DPYS: variants seen among roughly 807,000 people sequenced by gnomAD.
DPYS encodes dihydropyrimidine amidohydrolase.
DPYS carries 39 observed loss-of-function variants against 50.3 expected under a neutral mutation model. The ratio of observed to expected loss-of-function variants is 0.78; its 90% CI spans 0.60 to 1.01. The LOEUF is 1.01. DPYS is among the 50% of genes least tolerant of loss of function. The pLI, the probability that DPYS is intolerant of heterozygous loss-of-function variation, is 0.00. For missense variants in DPYS, 659 were observed against 680.9 expected (o/e 0.97, Z 0.36); for synonymous variants, 245 against 250.7 (o/e 0.98, Z 0.22).
intron 1 of DPYS, among the ~76,000 whole-genome samples, chr8:104,464,310 G>A (rs2140784883): frequency 6.6e-6 from 1 of 152,304 alleles, no homozygotes; most frequent in South Asian, 2.1e-4. Flanking sequence ...CTAAGGAAAA[G>A]ATAGAAGACC....
At chr8:104,438,035 A>G (rs1813208254) in intron 4 of DPYS, among the ~76,000 whole-genome samples, 1 of 152,220 alleles carries the variant, frequency 6.6e-6, no homozygotes. Context: ...TCACCCAGTA[A>G]GCGTGAAGAC....
Position 104,392,950 on chromosome 8 carries a change from T to C in DPYS, c.1277A>G (p.Asn426Ser), listed in dbSNP as rs1385455513. Residue 426 changes from asparagine to serine, a missense_variant, in exon 8 of 10, where the codon AAC becomes AGC. Physicochemically the swap from Asn to Ser is conservative, Grantham distance 46 (BLOSUM62 1). Transcript: ENST00000351513. ...GTGGCAAACCATGCCCTCGAAAATG[T>C]TGAAGTTAACAGCCTGATGATGAGT... is the stretch of plus-strand genomic sequence containing the variant. The part of the protein sequence containing the change: ...AKTHHQAVNF[N>S]IFEGMVCHGV... The C allele has an allele frequency of 3.7e-6, 6 of 1,614,104 alleles. No homozygotes were observed. Among genetic ancestry groups the C allele is most frequent in the Non-Finnish European group, 5.1e-6 (6 of 1,180,040 alleles).
intron 4 of DPYS, among the ~76,000 whole-genome samples, chr8:104,437,547 TGAG>T (rs1813193859): frequency 6.6e-6 from 1 of 152,178 alleles, no homozygotes; most frequent in African/African-American, 2.4e-5. Flanking sequence ...CCTAAAAAAA[TGAG>T]GAACTCTCAG....
At chr8:104,415,001 A>C (rs565085879) in intron 7 of DPYS, among the ~76,000 whole-genome samples, 1 of 152,340 alleles carries the variant, frequency 6.6e-6, no homozygotes, top group East Asian at 1.9e-4. Flanking sequence ...TTTAATTCAA[A>C]GGGGGGAAGA....
At chr8:104,432,412 C>T (rs1005646678) in intron 4 of DPYS, among the ~76,000 whole-genome samples, 10 of 152,134 alleles carry the variant, frequency 6.6e-5, no homozygotes, top group Admixed American at 1.3e-4. Context: ...CTGCAAGCAA[C>T]GCTAAATATT....
chr8:104,392,606 T>C (rs1811426285), intron 8 of DPYS, among the ~76,000 whole-genome samples, 178 bp downstream of exon 8: 1 of 152,184 alleles, frequency 6.6e-6, no homozygotes, highest in African/African-American at 2.4e-5. Flanking sequence ...GTGCATCCAA[T>C]AATGATCCTT....
chr8:104,447,437 A>G lies in DPYS; in HGVS notation c.490T>C (p.Tyr164His). 1 of 1,614,078 alleles carries G rather than the reference A, an allele frequency of 6.2e-7. No individual in the cohort carries two copies. Among genetic ancestry groups the G allele is most frequent in the Non-Finnish European group, 8.5e-7 (1 of 1,179,994 alleles). Residue 164 changes from tyrosine (Y) to histidine (H), a missense_variant, in exon 3 of 10, where the codon TAT (tyrosine) becomes CAT (histidine). Physicochemically the swap from Tyr to His is moderately conservative, Grantham distance 83. Coordinates refer to ENST00000351513, the MANE Select transcript of DPYS (RefSeq NM_001385.3). ...GVNSFKMFMA[Y>H]KDLYMVTDLE... ...TCTGTCACCATGTACAGATCTTTATAGGCCATAAACATCTTGAAAGAGTTA... is the reference window on the plus strand; with the variant it reads ...TCTGTCACCATGTACAGATCTTTATGGGCCATAAACATCTTGAAAGAGTTA...
intron 1 of DPYS, among the ~76,000 whole-genome samples, chr8:104,457,246 C>G (rs572804159): frequency 6.6e-6 from 1 of 152,192 alleles, no homozygotes; most frequent in Admixed American, 6.5e-5. Flanking sequence ...ACCTGATAAC[C>G]GAGCCAACTA....
At position 104,381,334 on chromosome 8, in the gene DPYS, TTC is replaced by T; in HGVS notation, c.1444-22_1444-21del. 1 of 1,606,984 alleles carries T rather than the reference TTC, an allele frequency of 6.2e-7. No homozygotes were observed. The highest frequency in any genetic ancestry group is 2.2e-5 in the East Asian group (1 of 44,830). On this transcript the variant is annotated intron_variant, in intron 8 of 9. Transcript: ENST00000351513. ...GCAAGTCTGAAAGAGAACATTTCATTTCTCTCTTGTGGTTTATTTTCTTGAGT... is the reference window on the plus strand; with the variant it reads ...GCAAGTCTGAAAGAGAACATTTCATTTCTCTTGTGGTTTATTTTCTTGAGT...
intron 7 of DPYS, chr8:104,423,941 C>A (rs1019382598): frequency 4.1e-6 from 4 of 970,808 alleles, no homozygotes; most frequent in African/African-American, 3.5e-5. Context: ...TCCTTCATCA[C>A]GCTTTACCTT....
intron 2 of DPYS, among the ~76,000 whole-genome samples, chr8:104,448,153 G>A (rs947461443): frequency 2.1e-5 from 3 of 146,046 alleles, no homozygotes; most frequent in Non-Finnish European, 3.0e-5. Flanking sequence ...CGCAACAATT[G>A]CTCTTTTTTT....
At chr8:104,389,289 C>T (rs556186699) in intron 8 of DPYS, among the ~76,000 whole-genome samples, 1 of 152,184 alleles carries the variant, frequency 6.6e-6, no homozygotes, top group South Asian at 2.1e-4. Context: ...GAAATGAAAA[C>T]CAAAGCAAGG....
intron 7 of DPYS, among the ~76,000 whole-genome samples, chr8:104,402,955 C>T (rs139888480): frequency 2.0e-3 from 305 of 152,304 alleles, no homozygotes; most frequent in African/African-American, 7.0e-3. Context: ...AATCATCTAT[C>T]GCCTGAGAGC....
At chr8:104,402,187 C>T (rs1456677752) in intron 7 of DPYS, among the ~76,000 whole-genome samples, 2 of 152,168 alleles carry the variant, frequency 1.3e-5, no homozygotes, top group African/African-American at 4.8e-5. Flanking sequence ...CCATGTCCTT[C>T]ACCTCCTATG....
intron 8 of DPYS, among the ~76,000 whole-genome samples, chr8:104,383,334 A>C (rs961790018): frequency 1.3e-5 from 2 of 152,032 alleles, no homozygotes; most frequent in East Asian, 3.9e-4. Context: ...TCTGTCCCCT[A>C]TCCACTATCT....
At chr8:104,419,778 CA>C (rs1812485833) in intron 7 of DPYS, 1 of 152,118 alleles carries the variant, frequency 6.6e-6, no homozygotes, top group Admixed American at 6.5e-5. Context: ...TGTCACAAGT[CA>C]GGGGAGCCTA....
chr8:104,399,850 CAGCAAGACTCCGTCTCAAAAA>C (rs1811729992), intron 7 of DPYS, among the ~76,000 whole-genome samples: 1 of 102,082 alleles, frequency 9.8e-6, no homozygotes, highest in Non-Finnish European at 1.8e-5. Flanking sequence ...GCCTGGGAGA[CAGCAAGACTCCGTCTCAAAAA>C]AAAAAAAAAA....
At chr8:104,454,147 AACCTGAAGCAGGTGGATC>A (rs1006241777) in intron 1 of DPYS, among the ~76,000 whole-genome samples, 12 of 152,150 alleles carry the variant, frequency 7.9e-5, no homozygotes, top group African/African-American at 2.9e-4. Context: ...GCACTTTGGG[AACCTGAAGCAGGTGGATC>A]ACCTGAGGTC....
intron 7 of DPYS, among the ~76,000 whole-genome samples, chr8:104,415,867 G>A (rs965260047): frequency 2.0e-5 from 3 of 151,996 alleles, no homozygotes; most frequent in Admixed American, 6.6e-5. Context: ...AAAGATTTCT[G>A]ACTCACAGCT....
Sources: allele counts gnomAD v4.1 joint callset (sites outside exome capture counted in the v4.1 genomes callset), GRCh38; gene constraint gnomAD v4.1.1; transcripts MANE v1.5; gene names NCBI Gene and HGNC (gene_info 2026-07-23, HGNC 2026-07-21).